CCSER1: variants seen among roughly 807,000 people sequenced by gnomAD.
The protein encoded by CCSER1 is coiled-coil serine rich protein 1.
Under a neutral mutation model 82.0 loss-of-function variants are expected in CCSER1, and 41 were observed. The observed-to-expected ratio is 0.50, with a 90% CI of 0.39 to 0.65. CCSER1 has a LOEUF of 0.65. CCSER1 is among the 30% of genes least tolerant of loss of function. The pLI, the probability that CCSER1 is intolerant of heterozygous loss-of-function variation, is 0.00. For synonymous variants in CCSER1, 414 were observed against 383.9 expected (o/e 1.08, Z -0.92); for missense variants, 1,119 against 1,064.2 (o/e 1.05, Z -0.72).
chr4:91,044,009 A>T (rs1459833306), intron 9 of CCSER1, among the ~76,000 whole-genome samples: 2 of 152,224 alleles, frequency 1.3e-5, no homozygotes, highest in Admixed American at 6.5e-5. Flanking sequence ...TGTGAGTCAA[A>T]TAAAGACTTT....
At chr4:90,852,932 C>G (rs1183032582) in intron 8 of CCSER1, among the ~76,000 whole-genome samples, 1 of 152,040 alleles carries the variant, frequency 6.6e-6, no homozygotes, top group Non-Finnish European at 1.5e-5. Context: ...ATTCATTTTC[C>G]TCAAGGCTAG....
chr4:90,732,853 G>T (rs1191867802), intron 7 of CCSER1, among the ~76,000 whole-genome samples: 2 of 152,126 alleles, frequency 1.3e-5, no homozygotes, highest in African/African-American at 4.8e-5. Flanking sequence ...TGTTACAAAT[G>T]ATAGCATCTA....
intron 1 of CCSER1, among the ~76,000 whole-genome samples, chr4:90,281,875 T>C (rs1220633354): frequency 6.6e-6 from 1 of 152,100 alleles, no homozygotes; most frequent in East Asian, 1.9e-4. Context: ...ATTTATTCAA[T>C]GAATAAAAAT....
At chr4:91,433,695 T>C (rs1247702002) in intron 10 of CCSER1, among the ~76,000 whole-genome samples, 5 of 152,326 alleles carry the variant, frequency 3.3e-5, no homozygotes, top group Admixed American at 2.6e-4. Context: ...AGCATAGGTA[T>C]GCCACAGTCC....
At chr4:90,422,864 C>A (rs975899315) in intron 4 of CCSER1, among the ~76,000 whole-genome samples, 2 of 152,104 alleles carry the variant, frequency 1.3e-5, no homozygotes, top group Non-Finnish European at 2.9e-5. Flanking sequence ...GTCCCAAGTG[C>A]AGTACACTCT....
intron 1 of CCSER1, among the ~76,000 whole-genome samples, chr4:90,307,202 A>G (rs1448631474): frequency 6.6e-6 from 1 of 152,108 alleles, no homozygotes; most frequent in Non-Finnish European, 1.5e-5. Context: ...GATGAGTTGT[A>G]GCTGCCACAT....
chr4:91,603,174 C>T lies in CCSER1; in HGVS notation c.*4117C>T, dbSNP rs1764871090. 1 of 152,038 alleles carries T rather than the reference C, an allele frequency of 6.6e-6. No homozygotes were observed. The highest frequency in any genetic ancestry group is 6.6e-5 in the Admixed American group (1 of 15,240). 9.4% of individuals were successfully genotyped at this position (152,038 alleles called of 1,614,324 possible). ...CATTTTTTTAAAAAGCTGAATTACA[C>T]TGTAGTATAAAAGCAAACAGTCAAC... On this transcript the variant is annotated 3_prime_UTR_variant, in exon 11 of 11. Coordinates refer to ENST00000509176, the MANE Select transcript of CCSER1 (RefSeq NM_001145065.2).
intron 5 of CCSER1, among the ~76,000 whole-genome samples, chr4:90,607,324 A>G (rs988955914): frequency 5.9e-5 from 9 of 152,196 alleles, no homozygotes; most frequent in Non-Finnish European, 1.2e-4. Flanking sequence ...CACTAAATAT[A>G]AAAACTTTAA....
At chr4:90,532,326 C>T (rs538429170) in intron 5 of CCSER1, among the ~76,000 whole-genome samples, 10 of 152,196 alleles carry the variant, frequency 6.6e-5, no homozygotes, top group African/African-American at 1.9e-4. Flanking sequence ...CCTAGCAAAA[C>T]TGGAAACACT....
chr4:91,304,296 TA>T (rs1048752216), intron 10 of CCSER1, among the ~76,000 whole-genome samples: 14 of 152,248 alleles, frequency 9.2e-5, no homozygotes, highest in Non-Finnish European at 1.8e-4. Flanking sequence ...ATTTTAGTAT[TA>T]TGTTTATTTA....
chr4:91,586,963 A>G (rs1764027686), intron 10 of CCSER1, among the ~76,000 whole-genome samples: 1 of 151,748 alleles, frequency 6.6e-6, no homozygotes, highest in Non-Finnish European at 1.5e-5. Context: ...TGAATGAATG[A>G]AATAATAAAT....
chr4:90,733,712 G>T (rs1426766139), intron 7 of CCSER1, among the ~76,000 whole-genome samples: 1 of 152,166 alleles, frequency 6.6e-6, no homozygotes, highest in Admixed American at 6.5e-5. Context: ...TATGATCAGA[G>T]ATAGGGGTCT....
At chr4:90,702,920 C>G (rs1041821702) in intron 6 of CCSER1, among the ~76,000 whole-genome samples, 1 of 152,120 alleles carries the variant, frequency 6.6e-6, no homozygotes, top group Non-Finnish European at 1.5e-5. Flanking sequence ...TTTCAAAAAA[C>G]CAGCTCCTGG....
chr4:90,336,008 A>G (rs1201768193), intron 3 of CCSER1, among the ~76,000 whole-genome samples: 1 of 152,214 alleles, frequency 6.6e-6, no homozygotes, highest in Admixed American at 6.5e-5. Flanking sequence ...TATGCCATGG[A>G]TACACTGTTT....
chr4:91,208,463 G>A (rs919361591), intron 10 of CCSER1, among the ~76,000 whole-genome samples: 1 of 151,834 alleles, frequency 6.6e-6, no homozygotes, highest in Non-Finnish European at 1.5e-5. Context: ...AGTTTTCTGA[G>A]CACCACTTAT....
rs540960173 is a variant in CCSER1 at position 90,159,014 on chromosome 4, A to G, written c.-42+31183A>G. Among the ~76,000 whole-genome samples, 3 of 152,176 alleles carry G rather than the reference A, an allele frequency of 2.0e-5. No homozygotes were observed. The East Asian group carries it at 5.8e-4, about 29-fold the overall frequency. ...AGACCGGCGCTGTTCCTATTCGGCCATCTTGGCTCCGACCTCCCTGTCAGT... is the reference window on the plus strand; with the variant it reads ...AGACCGGCGCTGTTCCTATTCGGCCGTCTTGGCTCCGACCTCCCTGTCAGT... On this transcript the variant is annotated intron_variant, in intron 1 of 10. Transcript: ENST00000509176.
At chr4:91,312,122 T>A (rs1017048521) in intron 10 of CCSER1, among the ~76,000 whole-genome samples, 1 of 151,796 alleles carries the variant, frequency 6.6e-6, no homozygotes, top group Non-Finnish European at 1.5e-5. Context: ...GTATACAAAT[T>A]TATATTGTAG....
intron 5 of CCSER1, among the ~76,000 whole-genome samples, chr4:90,570,516 G>C (rs773526159): frequency 3.3e-5 from 5 of 152,026 alleles, no homozygotes; most frequent in Admixed American, 2.6e-4. Context: ...CTTTGACTCC[G>C]GCAAGCACAG....
At chr4:90,974,011 C>T (rs993471440) in intron 9 of CCSER1, among the ~76,000 whole-genome samples, 4 of 151,316 alleles carry the variant, frequency 2.6e-5, no homozygotes, top group South Asian at 4.1e-4. Flanking sequence ...CTAAAAATCA[C>T]GATCTCATAA....
Sources: allele counts gnomAD v4.1 joint callset (sites outside exome capture counted in the v4.1 genomes callset), GRCh38; gene constraint gnomAD v4.1.1; transcripts MANE v1.5; gene names NCBI Gene and HGNC (gene_info 2026-07-23, HGNC 2026-07-21).